The following PABPC4L variants were observed in gnomAD, a reference collection of about 807,000 sequenced individuals.
The protein encoded by PABPC4L is poly(A) binding protein cytoplasmic 4 like.
For missense variants in PABPC4L, 452 were observed against 451.4 expected (o/e 1.00, Z -0.01); for synonymous variants, 169 against 164.1 (o/e 1.03, Z -0.23).
the PABPC4L span, among the ~76,000 whole-genome samples, chr4:134,051,351 C>A: frequency 6.6e-6 from 1 of 151,896 alleles, no homozygotes; most frequent in African/African-American, 2.4e-5. Flanking sequence ...AAGAGTCTAG[C>A]AAATTATACT....
the PABPC4L span, among the ~76,000 whole-genome samples, chr4:134,041,317 G>A: frequency 2.0e-5 from 3 of 152,010 alleles, no homozygotes; most frequent in Non-Finnish European, 4.4e-5. Context: ...AAGACTTGGA[G>A]CCAACTCAAA....
the PABPC4L span, among the ~76,000 whole-genome samples, chr4:134,096,953 A>C: frequency 6.2e-3 from 938 of 152,068 alleles, 9 homozygotes; most frequent in Non-Finnish European, 0.01. Context: ...TTTAAATATA[A>C]GCCTATGGAG....
chr4:134,034,036 C>T, the PABPC4L span, among the ~76,000 whole-genome samples: 1 of 151,952 alleles, frequency 6.6e-6, no homozygotes, highest in African/African-American at 2.4e-5. Flanking sequence ...TACTTGCTTC[C>T]AAGTTTCAAG....
At chr4:133,981,305 C>T in the PABPC4L span, among the ~76,000 whole-genome samples, 1 of 152,080 alleles carries the variant, frequency 6.6e-6, no homozygotes, top group Non-Finnish European at 1.5e-5. Flanking sequence ...TGCACTAATA[C>T]CTTTGGATCA....
At position 134,200,875 on chromosome 4, in the gene PABPC4L, G is replaced by A. The variant is rs1729845628; in HGVS notation, c.145C>T (p.Arg49Cys). The change falls in exon 2 of 2, where the codon CGC becomes TGC. Residue 49 changes from arginine (R) to cysteine (C), a missense_variant. By Grantham distance (180) the Arg-to-Cys change is radical (BLOSUM62 -3). Coordinates refer to ENST00000421491, the MANE Select transcript of PABPC4L (RefSeq NM_001114734.2). ...IRICRDQVTR[R>C]SLGYAYVNFL... ...TTCACGTAGGCATAGCCCAGAGAGC[G>A]GCGGGTGACCTGGTCCCTGCAAATG... The A allele has an allele frequency of 6.4e-7, 1 of 1,560,832 alleles. No individual in the cohort carries two copies. The highest frequency in any genetic ancestry group is 8.7e-7 in the Non-Finnish European group (1 of 1,152,096).
chr4:133,959,244 G>T, the PABPC4L span, among the ~76,000 whole-genome samples: 1 of 152,184 alleles, frequency 6.6e-6, no homozygotes, highest in Non-Finnish European at 1.5e-5. Flanking sequence ...GAAGTTTGCA[G>T]AGTATACAAC....
At chr4:134,189,352 T>G in the PABPC4L span, among the ~76,000 whole-genome samples, 1 of 151,886 alleles carries the variant, frequency 6.6e-6, no homozygotes, top group African/African-American at 2.4e-5. Context: ...ATTTCACAGC[T>G]TTGTTGACAA....
the PABPC4L span, among the ~76,000 whole-genome samples, chr4:133,962,212 C>T: frequency 2.6e-4 from 40 of 152,290 alleles, no homozygotes; most frequent in African/African-American, 9.1e-4. Context: ...GTTAATATAA[C>T]AAAACAAGGA....
At chr4:134,092,116 G>A in the PABPC4L span, among the ~76,000 whole-genome samples, 2 of 151,876 alleles carry the variant, frequency 1.3e-5, no homozygotes, top group Non-Finnish European at 2.9e-5. Flanking sequence ...TGGGTAGAGG[G>A]GGGTGGTTCC....
chr4:134,105,763 G>A, the PABPC4L span, among the ~76,000 whole-genome samples: 1 of 151,550 alleles, frequency 6.6e-6, no homozygotes, highest in African/African-American at 2.4e-5. Context: ...CTAGAAAGGT[G>A]GCTGTAGAAA....
chr4:134,101,303 A>G, the PABPC4L span, among the ~76,000 whole-genome samples: 3 of 151,596 alleles, frequency 2.0e-5, no homozygotes, highest in African/African-American at 7.2e-5. Flanking sequence ...CATTAAAGTA[A>G]ACTTTAATAA....
the PABPC4L span, among the ~76,000 whole-genome samples, chr4:134,049,427 G>A: frequency 1.3e-5 from 2 of 152,210 alleles, no homozygotes; most frequent in South Asian, 4.1e-4. Context: ...TGAGGAAAAT[G>A]TCTGGCTATA....
the PABPC4L span, among the ~76,000 whole-genome samples, chr4:134,020,017 C>G: frequency 6.6e-6 from 1 of 152,096 alleles, no homozygotes; most frequent in African/African-American, 2.4e-5. Flanking sequence ...TATTATTTCT[C>G]AAGTTAAGAG....
chr4:134,073,443 TA>T, the PABPC4L span, among the ~76,000 whole-genome samples: 1 of 152,202 alleles, frequency 6.6e-6, no homozygotes, highest in Admixed American at 6.5e-5. Flanking sequence ...CTGCAGGGTA[TA>T]GGCCCCCTGC....
the PABPC4L span, among the ~76,000 whole-genome samples, chr4:134,016,980 G>C: frequency 6.6e-6 from 1 of 152,124 alleles, no homozygotes; most frequent in African/African-American, 2.4e-5. Flanking sequence ...ATAGGTAGAG[G>C]CCTTTCCTAC....
At chr4:134,159,125 G>C in the PABPC4L span, among the ~76,000 whole-genome samples, 107 of 152,256 alleles carry the variant, frequency 7.0e-4, no homozygotes, top group African/African-American at 2.5e-3. Flanking sequence ...AGTGAGTGGC[G>C]AGTGAATGTA....
At chr4:133,986,910 A>T in the PABPC4L span, among the ~76,000 whole-genome samples, 1 of 151,982 alleles carries the variant, frequency 6.6e-6, no homozygotes, top group Admixed American at 6.6e-5. Context: ...TAATTTTTGC[A>T]TTTTTAGTAG....
chr4:134,069,874 T>C, the PABPC4L span, among the ~76,000 whole-genome samples: 1 of 151,996 alleles, frequency 6.6e-6, no homozygotes, highest in Non-Finnish European at 1.5e-5. Flanking sequence ...AGTTCAGTTA[T>C]ATGGAGGGAA....
the PABPC4L span, among the ~76,000 whole-genome samples, chr4:134,160,800 G>T: frequency 3.9e-5 from 6 of 151,982 alleles, no homozygotes; most frequent in East Asian, 9.7e-4. Flanking sequence ...GGAGTTTGAG[G>T]CTGGACAGAG....
Sources: gnomAD v4.1 joint callset for allele counts (sites outside exome capture counted in the v4.1 genomes callset) on GRCh38, gnomAD v4.1.1 for gene constraint, MANE v1.5 for transcripts, NCBI Gene and HGNC (gene_info 2026-07-23, HGNC 2026-07-21) for gene names.